Variants in CDCP1 observed in about 807,000 individuals in gnomAD.
CDCP1 encodes CUB domain containing protein 1, also known as CUB domain-containing protein 1.
A neutral mutation model predicts 60.2 loss-of-function variants in CDCP1; 29 were observed. The ratio of observed to expected loss-of-function variants is 0.48; its 90% CI spans 0.36 to 0.66. CDCP1 has a LOEUF of 0.66. CDCP1 is among the 30% of genes least tolerant of loss of function. CDCP1 has a pLI of 0.00. For missense variants in CDCP1, 876 were observed against 1,074.3 expected (o/e 0.82, Z 2.58); for synonymous variants, 387 against 431.1 (o/e 0.90, Z 1.27).
In CDCP1 at chr3:45,085,434, G is replaced by C; in HGVS notation, c.*204C>G. The C allele has an allele frequency of 1.7e-6, 1 of 591,258 alleles. No individual in the cohort carries two copies. The allele number at this position is 591,258 out of a possible 1,614,324, so 36.6% of individuals were successfully genotyped here. A position where few individuals can be genotyped will look rare whatever the true frequency, so the allele number is the denominator to read the frequency against. On this transcript the variant is annotated 3_prime_UTR_variant, in exon 9 of 9. Transcript: ENST00000296129. This position sits in a 1 kb window ranked among gnomAD's most constrained non-coding sequence, Gnocchi z 4.2. The stretch of plus-strand genomic sequence containing the variant: ...GAGGAGCACATGAGCTGTCATGACT[G>C]TATCCAGATTGGAATTCATCATTTT...
At position 45,108,936 on chromosome 3, in the gene CDCP1, C is replaced by T. The variant is rs79278954; in HGVS notation, c.1024+1537G>A. Among the ~76,000 whole-genome samples, 2 of 23,714 alleles carry T rather than the reference C, an allele frequency of 8.4e-5. 1 individual carries two copies. Among genetic ancestry groups the T allele is most frequent in the East Asian group, 1.9e-3 (2 of 1,060 alleles). The allele number at this position is 23,714 out of a possible 152,430, so 15.6% of individuals were successfully genotyped here. ...ACATATATATATATATGCATGTATACATATATATATATATATATTTTTTTT... is the reference window on the plus strand; with the variant it reads ...ACATATATATATATATGCATGTATATATATATATATATATATATTTTTTTT... On this transcript the variant is annotated intron_variant, in intron 4 of 8. Coordinates refer to ENST00000296129, the MANE Select transcript of CDCP1 (RefSeq NM_022842.5).
chr3:45,086,990 CT>C (rs1216807837), intron 8 of CDCP1, among the ~76,000 whole-genome samples: 1 of 152,240 alleles, frequency 6.6e-6, no homozygotes, highest in African/African-American at 2.4e-5. Flanking sequence ...AACCTGGTAC[CT>C]TCAGCTTGTA....
chr3:45,141,919 C>T (rs1481982883), intron 1 of CDCP1, among the ~76,000 whole-genome samples: 4 of 151,998 alleles, frequency 2.6e-5, no homozygotes, highest in Non-Finnish European at 4.4e-5. Flanking sequence ...CCAACCTCTG[C>T]CCCCCGGGTT....
chr3:45,135,441 A>G (rs1308350491), intron 1 of CDCP1, among the ~76,000 whole-genome samples: 1 of 152,210 alleles, frequency 6.6e-6, no homozygotes. Context: ...GAGGCTTCGA[A>G]CAAAACCCAA....
rs1258007877 is a variant in CDCP1, at chr3:45,118,539, G to C, written c.165C>G (p.Pro55=). ...KLGTPTLLAK[P]CYIVISKRHI... is the part of the protein sequence containing the mutation. ...GTCTTTTAGAAATGACGATGTAACA[G>C]GGTTTTGCCAGCAGAGTCGGGGTCC... The change falls in exon 2 of 9, where the codon CCC becomes CCG. Residue 55 remains proline, a synonymous_variant. Transcript: ENST00000296129. The C allele has an allele frequency of 6.2e-7, 1 of 1,614,074 alleles. No individual in the cohort carries two copies. Among genetic ancestry groups the C allele is most frequent in the Non-Finnish European group, 8.5e-7 (1 of 1,180,024 alleles).
rs770782119 is a variant in CDCP1, at chr3:45,093,595, G to T, written c.1309C>A (p.Leu437Ile). ...SYSLQVPSDI[L>I]HLPVELHDFS... The stretch of plus-strand genomic sequence containing the variant: ...TCATGCAGCTCCACAGGCAGGTGGA[G>T]GATGTCACTGGGCACCTGGAGTGAG... Residue 437 changes from leucine to isoleucine, a missense_variant, in exon 6 of 9, where the codon CTC (leucine) becomes ATC (isoleucine). Physicochemically the swap from Leu to Ile is conservative, Grantham distance 5. Coordinates refer to ENST00000296129, the MANE Select transcript of CDCP1 (RefSeq NM_022842.5). The T allele has an allele frequency of 8.1e-6, 13 of 1,614,262 alleles. No individual in the cohort carries two copies. Among genetic ancestry groups the T allele is most frequent in the Non-Finnish European group, 1.0e-5 (12 of 1,180,050 alleles).
intron 4 of CDCP1, among the ~76,000 whole-genome samples, chr3:45,098,015 G>C (rs34060055): frequency 0.037 from 5,613 of 151,972 alleles, 167 homozygotes; most frequent in African/African-American, 0.078. Context: ...ATTGTTACCT[G>C]CAGGACACCT....
Position 45,085,687 on chromosome 3 carries a change from G to A in CDCP1, c.2462C>T (p.Thr821Ile), listed in dbSNP as rs200510710. The change falls in exon 9 of 9, where the codon ACA becomes ATA. Residue 821 changes from threonine to isoleucine, a missense_variant. Physicochemically the swap from Thr to Ile is moderately conservative, Grantham distance 89. This residue lies in a region of CDCP1 where 726 missense variants were observed against 935.7 expected (regional missense o/e 0.78). Transcript: ENST00000296129. The surrounding 1 kb of genome is among the most constrained non-coding windows in gnomAD (Gnocchi z 4.2). ...CTGAGTGTTCAGTAAGGGAATGTCTGTGTCCTTGCTGCTTACATCCCCATT... is the reference window on the plus strand; with the variant it reads ...CTGAGTGTTCAGTAAGGGAATGTCTATGTCCTTGCTGCTTACATCCCCATT... ...PNNGDVSSKD[T>I]DIPLLNTQEP... The A allele has an allele frequency of 1.8e-5, 29 of 1,614,082 alleles. No individual in the cohort carries two copies. Among genetic ancestry groups the A allele is most frequent in the Non-Finnish European group, 2.4e-5 (28 of 1,180,046 alleles).
chr3:45,129,394 C>G (rs1699050842), intron 1 of CDCP1, among the ~76,000 whole-genome samples: 1 of 152,190 alleles, frequency 6.6e-6, no homozygotes, highest in Admixed American at 6.5e-5. Context: ...GGTAAGAAAG[C>G]TGCATAATAA....
chr3:45,126,171 T>TTTCCTTCC (rs1553611017), intron 1 of CDCP1, among the ~76,000 whole-genome samples: 4 of 139,928 alleles, frequency 2.9e-5, no homozygotes, highest in South Asian at 2.4e-4. Context: ...TCTTTCTTTC[T>TTTCCTTCC]TTCCTTCTTT....
rs3749190 is a variant in CDCP1, at chr3:45,093,320, G to A, written c.1584C>T (p.Ala528=). 8.7e-6 allele frequency: 14 copies of A among 1,614,192 alleles called. No homozygotes were observed. In the East Asian group the frequency reaches 2.2e-4, roughly 26 times the overall value. ...AGGACACCGTCAGACCCTGCCTGGA[G>A]GCCTCTTGTTGGAAGCTGGGGGCAA... is the stretch of plus-strand genomic sequence containing the variant. ...RTFAPSFQQE[A]SRQGLTVSFI... is the part of the protein sequence containing the mutation. The change falls in exon 6 of 9, where the codon GCC becomes GCT. Residue 528 remains alanine (A), a synonymous_variant. Coordinates refer to ENST00000296129, the MANE Select transcript of CDCP1 (RefSeq NM_022842.5).
At chr3:45,141,281 T>G (rs1265319104) in intron 1 of CDCP1, among the ~76,000 whole-genome samples, 1 of 152,180 alleles carries the variant, frequency 6.6e-6, no homozygotes, top group African/African-American at 2.4e-5. Flanking sequence ...CCTACATTAC[T>G]GCACACAAAG....
chr3:45,100,322 T>C (rs58433931), intron 4 of CDCP1, among the ~76,000 whole-genome samples: 23,768 of 152,198 alleles, frequency 0.16, 2,077 homozygotes, highest in East Asian at 0.3. Context: ...GACTGGGATC[T>C]TTGGTTCAGG....
At chr3:45,099,845 C>G (rs981357188) in intron 4 of CDCP1, among the ~76,000 whole-genome samples, 1 of 152,122 alleles carries the variant, frequency 6.6e-6, no homozygotes, top group Non-Finnish European at 1.5e-5. Flanking sequence ...AAATTACAAC[C>G]GGTTCCTTTT....
At chr3:45,124,045 G>A (rs1434370158) in intron 1 of CDCP1, among the ~76,000 whole-genome samples, 3 of 152,178 alleles carry the variant, frequency 2.0e-5, no homozygotes, top group Non-Finnish European at 4.4e-5. Context: ...ACACCTTTGT[G>A]AGCATCTGCC....
At chr3:45,135,816 C>T (rs7652999) in intron 1 of CDCP1, among the ~76,000 whole-genome samples, 126,677 of 152,112 alleles carry the variant, frequency 0.83, 52,959 homozygotes, top group East Asian at 0.94. Context: ...ACCTACATCT[C>T]TTGCTTTACT....
At chr3:45,086,188 C>T in intron 8 of CDCP1, 121 bp from the exon 9 acceptor site, 1 of 825,222 alleles carries the variant, frequency 1.2e-6, no homozygotes, top group African/African-American at 1.7e-5. Flanking sequence ...CCCCCAAATC[C>T]CTCAGATTGC....
intron 1 of CDCP1, among the ~76,000 whole-genome samples, chr3:45,119,867 C>T (rs917622849): frequency 1.3e-5 from 2 of 152,214 alleles, no homozygotes; most frequent in Admixed American, 6.5e-5. Context: ...AGTCAACCTC[C>T]ACTCCAAGTC....
chr3:45,146,351 C>G lies in CDCP1; in HGVS notation c.-64G>C. 7.0e-7 allele frequency: 1 copy of G among 1,419,682 alleles called. No homozygotes were observed. Among genetic ancestry groups the G allele is most frequent in the Non-Finnish European group, 9.4e-7 (1 of 1,060,226 alleles). The allele number at this position is 1,419,682 out of a possible 1,614,324, so 87.9% of individuals were successfully genotyped here. On this transcript the variant is annotated 5_prime_UTR_variant, in exon 1 of 9. Transcript: ENST00000296129. ...GTGGGGAGCGGCGGCCCCAGGCGCC[C>G]AAGCCCGGCGCAGCTGCGCTCCGCC... is the stretch of plus-strand genomic sequence containing the variant.
Sources: allele counts gnomAD v4.1 joint callset (sites outside exome capture counted in the v4.1 genomes callset), GRCh38; gene constraint gnomAD v4.1.1; regional missense constraint gnomAD v4.1.1; non-coding constraint Gnocchi (gnomAD v3.1); transcripts MANE v1.5; gene names NCBI Gene and HGNC (gene_info 2026-07-23, HGNC 2026-07-21).